The following MALRD1 variants were observed in gnomAD, a reference collection of about 807,000 sequenced individuals.
The protein encoded by MALRD1 is MAM and LDL receptor class A domain containing 1, also known as MAM and LDL-receptor class A domain-containing protein 1.
In MALRD1, 247 loss-of-function variants were observed where a neutral mutation model predicts 242.1. The observed-to-expected ratio is 1.02, with a 90% CI of 0.92 to 1.13. The LOEUF (loss-of-function observed/expected upper bound fraction) is 1.13. Ranked by LOEUF, MALRD1 falls within the 50% of genes most tolerant of loss-of-function variation. The pLI is 0.00. For synonymous variants in MALRD1, 995 were observed against 866.6 expected (o/e 1.15, Z -2.60); for missense variants, 2,989 against 2,533.1 (o/e 1.18, Z -3.86).
chr10:19,519,246 T>C (rs1412607406), intron 31 of MALRD1, among the ~76,000 whole-genome samples: 2 of 152,078 alleles, frequency 1.3e-5, no homozygotes, highest in Non-Finnish European at 2.9e-5. Context: ...ACTATGAATA[T>C]CAGTTTTTTT....
chr10:19,058,381 C>T (rs1013396116), intron 1 of MALRD1, among the ~76,000 whole-genome samples: 13 of 152,062 alleles, frequency 8.5e-5, no homozygotes, highest in African/African-American at 2.9e-4. Context: ...ATATTAACAA[C>T]GAAGCCATAA....
intron 36 of MALRD1, among the ~76,000 whole-genome samples, chr10:19,685,437 C>A (rs1842543566): frequency 6.6e-6 from 1 of 152,052 alleles, no homozygotes; most frequent in Non-Finnish European, 1.5e-5. Flanking sequence ...TTAATGAGAA[C>A]AGCTGTAGGG....
rs550501228 is a variant in MALRD1 at position 19,651,756 on chromosome 10, GA to G, written c.6137+35835del. Among the ~76,000 whole-genome samples, 195 of 152,344 alleles carry G rather than the reference GA, an allele frequency of 1.3e-3. 1 individual carries two copies. The highest frequency in any genetic ancestry group is 4.5e-3 in the African/African-American group (189 of 41,576). On this transcript the variant is annotated intron_variant, in intron 36 of 39. Transcript: ENST00000454679. ...AAAAGACATGTAAGCACTGTAGAAA[GA>G]ATGCCATGAGATCAGAGAGTGGGGC...
chr10:19,633,285 C>G (rs776792572), intron 36 of MALRD1, among the ~76,000 whole-genome samples: 2 of 152,068 alleles, frequency 1.3e-5, no homozygotes, highest in Non-Finnish European at 1.5e-5. Context: ...GATTTCTTGG[C>G]CATGTTGTGA....
At chr10:19,172,056 A>ACATATATGTGATATATATCATATAT (rs1417914463) in intron 13 of MALRD1, among the ~76,000 whole-genome samples, 1 of 48,138 alleles carries the variant, frequency 2.1e-5, no homozygotes, top group Non-Finnish European at 3.8e-5. Flanking sequence ...ATCATATATC[A>ACATATATGTGATATATATCATATAT]CATATATGTG....
chr10:19,672,623 C>T (rs1841975264), intron 36 of MALRD1, among the ~76,000 whole-genome samples: 1 of 151,884 alleles, frequency 6.6e-6, no homozygotes, highest in African/African-American at 2.4e-5. Flanking sequence ...GGGGTTTTGC[C>T]ATGTTGGCCG....
At chr10:19,690,444 A>C (rs777124059) in intron 36 of MALRD1, among the ~76,000 whole-genome samples, 2 of 152,046 alleles carry the variant, frequency 1.3e-5, no homozygotes, top group Non-Finnish European at 2.9e-5. Flanking sequence ...AACTTCTAAC[A>C]CTAGAATGGG....
chr10:19,420,091 C>T (rs1217263689), intron 28 of MALRD1, among the ~76,000 whole-genome samples: 4 of 152,196 alleles, frequency 2.6e-5, no homozygotes, highest in Non-Finnish European at 5.9e-5. Flanking sequence ...GTGGAGCGCA[C>T]ACTTGGACAA....
chr10:19,733,883 T>C (rs1835390540), intron 39 of MALRD1, among the ~76,000 whole-genome samples: 1 of 152,024 alleles, frequency 6.6e-6, no homozygotes, highest in African/African-American at 2.4e-5. Flanking sequence ...GAGAAAGCAG[T>C]AGTCGAAATA....
At chr10:19,057,827 G>A (rs1215670366) in intron 1 of MALRD1, among the ~76,000 whole-genome samples, 1 of 151,754 alleles carries the variant, frequency 6.6e-6, no homozygotes, top group African/African-American at 2.4e-5. Context: ...AGAGGGAGAA[G>A]AAAAAGAGAA....
chr10:19,463,688 A>T (rs902457666), intron 29 of MALRD1, among the ~76,000 whole-genome samples: 3 of 152,030 alleles, frequency 2.0e-5, no homozygotes, highest in Non-Finnish European at 2.9e-5. Flanking sequence ...GTGTGCAAGT[A>T]TCTTTTTTCG....
chr10:19,431,851 C>G (rs1412942719), intron 28 of MALRD1, among the ~76,000 whole-genome samples: 1 of 152,152 alleles, frequency 6.6e-6, no homozygotes, highest in African/African-American at 2.4e-5. Context: ...GACAATGTGC[C>G]ACGGGACAGA....
chr10:19,263,698 T>C (rs950546301), intron 19 of MALRD1, among the ~76,000 whole-genome samples: 1 of 152,160 alleles, frequency 6.6e-6, no homozygotes, highest in African/African-American at 2.4e-5. Flanking sequence ...GATTATTTTT[T>C]CCCATTGTAT....
intron 33 of MALRD1, among the ~76,000 whole-genome samples, chr10:19,573,151 G>A (rs4748599): frequency 0.79 from 119,603 of 152,136 alleles, 47,662 homozygotes; most frequent in East Asian, 0.86. Flanking sequence ...CATGAGCTCT[G>A]GATTCTGTAC....
chr10:19,184,593 G>C (rs368890070), intron 14 of MALRD1, among the ~76,000 whole-genome samples: 13 of 152,134 alleles, frequency 8.5e-5, no homozygotes, highest in African/African-American at 2.9e-4. Context: ...CTGTTGCCCA[G>C]GCTGGGGTGC....
chr10:19,339,436 T>C (rs1040683695), intron 24 of MALRD1, among the ~76,000 whole-genome samples: 7 of 152,156 alleles, frequency 4.6e-5, no homozygotes, highest in African/African-American at 1.7e-4. Flanking sequence ...ATTTGTAATA[T>C]AGTTATATAC....
chr10:19,530,013 C>G (rs922213140), intron 31 of MALRD1, among the ~76,000 whole-genome samples: 2 of 151,884 alleles, frequency 1.3e-5, no homozygotes, highest in African/African-American at 4.8e-5. Context: ...CAATTCCAAT[C>G]CCAAGTTATT....
chr10:19,307,797 G>A (rs1434409413), intron 21 of MALRD1, among the ~76,000 whole-genome samples: 2 of 151,478 alleles, frequency 1.3e-5, no homozygotes, highest in Non-Finnish European at 3.0e-5. Flanking sequence ...CGCTAAAGTT[G>A]TTTCTTTCTT....
intron 29 of MALRD1, among the ~76,000 whole-genome samples, chr10:19,451,866 A>G (rs1053313295): frequency 6.6e-6 from 1 of 152,164 alleles, no homozygotes; most frequent in African/African-American, 2.4e-5. Flanking sequence ...ATCAGAAATT[A>G]TGTGTTTCAT....
Sources: gnomAD v4.1 joint callset for allele counts (sites outside exome capture counted in the v4.1 genomes callset) on GRCh38, gnomAD v4.1.1 for gene constraint, MANE v1.5 for transcripts, NCBI Gene and HGNC (gene_info 2026-07-23, HGNC 2026-07-21) for gene names.